Variants in RAPGEF5 observed in about 807,000 individuals in gnomAD.
RAPGEF5 encodes M-Ras-regulated GEF.
RAPGEF5 carries 65 observed loss-of-function variants against 125.2 expected under a neutral mutation model. The observed-to-expected ratio is 0.52, with a 90% CI of 0.43 to 0.64. The LOEUF is 0.64. RAPGEF5 is among the 30% of genes least tolerant of loss of function. The pLI, the probability that RAPGEF5 is intolerant of heterozygous loss-of-function variation, is 0.00. For synonymous variants in RAPGEF5, 391 were observed against 385.9 expected (o/e 1.01, Z -0.16); for missense variants, 958 against 1,048.1 (o/e 0.91, Z 1.19).
chr7:22,276,029 G>GT (rs1782546836), intron 6 of RAPGEF5, among the ~76,000 whole-genome samples: 1 of 152,138 alleles, frequency 6.6e-6, no homozygotes, highest in Admixed American at 6.6e-5. Flanking sequence ...CCTCTGATTG[G>GT]TAATTTCTCT....
intron 18 of RAPGEF5, among the ~76,000 whole-genome samples, chr7:22,148,036 C>T (rs1326493010): frequency 6.6e-6 from 1 of 152,194 alleles, no homozygotes; most frequent in Non-Finnish European, 1.5e-5. Flanking sequence ...CTCTCAGCAG[C>T]ATGTCAAGGT....
intron 7 of RAPGEF5, among the ~76,000 whole-genome samples, chr7:22,263,094 A>G (rs1451690649): frequency 6.6e-6 from 1 of 152,252 alleles, no homozygotes; most frequent in Non-Finnish European, 1.5e-5. Context: ...GATTCTATTT[A>G]TATAATATTT....
intron 7 of RAPGEF5, among the ~76,000 whole-genome samples, chr7:22,242,148 G>C (rs1786347476): frequency 6.6e-6 from 1 of 152,206 alleles, no homozygotes; most frequent in South Asian, 2.1e-4. Flanking sequence ...GGTGAGGCCA[G>C]AGAGATGGCC....
chr7:22,227,693 T>A lies in RAPGEF5; in HGVS notation c.870+3153A>T, dbSNP rs548195303. On this transcript the variant is annotated intron_variant, in intron 8 of 25. Coordinates refer to ENST00000665637, the MANE Select transcript of RAPGEF5 (RefSeq NM_012294.5). The stretch of plus-strand genomic sequence containing the variant: ...CATCTCTACAAAAAAATACAAAAAA[T>A]TAGCTGGATATGGTGGTGTGCACCT... 1.1e-4 allele frequency among the ~76,000 whole-genome samples: 16 copies of A among 151,988 alleles called. No individual in the cohort carries two copies. The South Asian group carries it at 3.1e-3, about 30-fold the overall frequency.
In RAPGEF5 at chr7:22,154,602, A is replaced by G. The variant is rs1783740532; in HGVS notation, c.1639T>C (p.Phe547Leu). 5.0e-6 allele frequency: 8 copies of G among 1,612,648 alleles called. No homozygotes were observed. Among genetic ancestry groups the G allele is most frequent in the Non-Finnish European group, 6.8e-6 (8 of 1,179,262 alleles). Residue 547 changes from phenylalanine (F) to leucine (L), a missense_variant and splice_region_variant, in exon 17 of 26, where the codon TTC becomes CTC. Phe to Leu is a conservative substitution (Grantham distance 22, BLOSUM62 0). Transcript: ENST00000665637. ...TGCTCTGTTATATACACGTGGCAGA[A>G]AACTGCACAAGTGAAAAGAATTGTT... ...RGTVTETEEI[F>L]CHVYITEHSY... is the part of the protein sequence containing the mutation.
chr7:22,161,262 T>C (rs1021710746), intron 13 of RAPGEF5, among the ~76,000 whole-genome samples: 1 of 151,438 alleles, frequency 6.6e-6, no homozygotes, highest in Non-Finnish European at 1.5e-5. Context: ...TAATATAGGT[T>C]GGGTGTGGTG....
At chr7:22,153,034 T>C (rs139783739) in intron 17 of RAPGEF5, among the ~76,000 whole-genome samples, 86 of 152,250 alleles carry the variant, frequency 5.6e-4, no homozygotes, top group African/African-American at 2.0e-3. Context: ...AAATAGATAT[T>C]GGGTAGTGAA....
chr7:22,349,468 G>A (rs1237264858), intron 1 of RAPGEF5, among the ~76,000 whole-genome samples: 1 of 146,964 alleles, frequency 6.8e-6, no homozygotes, highest in Non-Finnish European at 1.5e-5. Context: ...AACATTAATT[G>A]ATTGTGCATT....
chr7:22,314,319 G>C (rs1783542304), intron 3 of RAPGEF5, among the ~76,000 whole-genome samples: 1 of 152,058 alleles, frequency 6.6e-6, no homozygotes, highest in Non-Finnish European at 1.5e-5. Context: ...TGATTACACA[G>C]GTGTGTAATA....
intron 11 of RAPGEF5, among the ~76,000 whole-genome samples, chr7:22,185,948 G>A (rs1266759141): frequency 6.6e-6 from 1 of 151,808 alleles, no homozygotes; most frequent in African/African-American, 2.4e-5. Flanking sequence ...TCCCCCTCTA[G>A]CATTCAAGCA....
chr7:22,326,856 A>G (rs55847645), intron 1 of RAPGEF5, among the ~76,000 whole-genome samples: 59,393 of 152,040 alleles, frequency 0.39, 11,869 homozygotes, highest in East Asian at 0.46. Flanking sequence ...GAGAGAGTAG[A>G]TCTTACGTTA....
chr7:22,248,825 G>A (rs1485217896), intron 7 of RAPGEF5, among the ~76,000 whole-genome samples: 1 of 152,144 alleles, frequency 6.6e-6, no homozygotes, highest in Non-Finnish European at 1.5e-5. Flanking sequence ...AAGAAGACTA[G>A]AACCTATAAA....
At chr7:22,135,381 G>A (rs1783048504) in intron 23 of RAPGEF5, among the ~76,000 whole-genome samples, 1 of 152,162 alleles carries the variant, frequency 6.6e-6, no homozygotes, top group African/African-American at 2.4e-5. Context: ...ATTAAAAAGA[G>A]TTTCCTTTTA....
intron 11 of RAPGEF5, among the ~76,000 whole-genome samples, chr7:22,178,650 A>G (rs927986343): frequency 6.6e-6 from 1 of 152,242 alleles, no homozygotes; most frequent in Non-Finnish European, 1.5e-5. Context: ...TCCTGAGCAC[A>G]GAAGCCTCTG....
chr7:22,258,624 C>CAAAAAAAAAAAAAAAAAAA (rs34352575), intron 7 of RAPGEF5, among the ~76,000 whole-genome samples: 2 of 45,822 alleles, frequency 4.4e-5, no homozygotes, highest in African/African-American at 1.8e-4. Flanking sequence ...AACTCCGTCT[C>CAAAAAAAAAAAAAAAAAAA]AAAAAAAAAA....
At chr7:22,188,120 C>T (rs1222804371) in intron 11 of RAPGEF5, among the ~76,000 whole-genome samples, 3 of 152,156 alleles carry the variant, frequency 2.0e-5, no homozygotes, top group African/African-American at 7.2e-5. Flanking sequence ...AAAAGACTTA[C>T]CGCCATCTAA....
intron 7 of RAPGEF5, among the ~76,000 whole-genome samples, chr7:22,249,327 C>G (rs564286895): frequency 6.6e-6 from 1 of 152,170 alleles, no homozygotes; most frequent in East Asian, 1.9e-4. Context: ...TGAGTAGCTA[C>G]AGGCATGCAC....
intron 5 of RAPGEF5, among the ~76,000 whole-genome samples, chr7:22,301,544 G>A (rs1051839921): frequency 1.3e-5 from 2 of 150,578 alleles, no homozygotes; most frequent in Non-Finnish European, 2.9e-5. Flanking sequence ...GAACCCGGGA[G>A]GCGGAGCTTG....
At chr7:22,139,338 A>G (rs539257220) in intron 21 of RAPGEF5, among the ~76,000 whole-genome samples, 1 of 152,298 alleles carries the variant, frequency 6.6e-6, no homozygotes, top group African/African-American at 2.4e-5. Flanking sequence ...GTCAGGAAGG[A>G]AAGGAGAGCG....
Sources: gnomAD v4.1 joint callset for allele counts (sites outside exome capture counted in the v4.1 genomes callset) on GRCh38, gnomAD v4.1.1 for gene constraint, MANE v1.5 for transcripts, NCBI Gene and HGNC (gene_info 2026-07-23, HGNC 2026-07-21) for gene names.